BTBD9: variants seen among roughly 807,000 people sequenced by gnomAD.
The protein encoded by BTBD9 is BTB domain containing 9.
BTBD9 carries 49 observed loss-of-function variants against 64.3 expected under a neutral mutation model. The observed-to-expected ratio is 0.76, with a 90% CI of 0.61 to 0.97. The LOEUF (loss-of-function observed/expected upper bound fraction) is 0.97. Among genes scored for constraint, BTBD9 ranks in the 50% least tolerant of loss-of-function variants. BTBD9 has a pLI of 0.00. For missense variants in BTBD9, 598 were observed against 762.1 expected (o/e 0.78, Z 2.53); for synonymous variants, 260 against 274.7 (o/e 0.95, Z 0.53).
chr6:38,205,826 G>A (rs1161277058), intron 9 of BTBD9, among the ~76,000 whole-genome samples: 1 of 130,334 alleles, frequency 7.7e-6, no homozygotes, highest in Non-Finnish European at 1.6e-5. Flanking sequence ...GGAGGTTGCA[G>A]TGAGCCAACA....
chr6:38,505,338 A>G (rs1772420318), intron 6 of BTBD9, among the ~76,000 whole-genome samples: 2 of 152,112 alleles, frequency 1.3e-5, no homozygotes, highest in African/African-American at 4.8e-5. Flanking sequence ...AAAATCCCCT[A>G]TGGAGGCCAG....
At chr6:38,638,296 G>GA (rs964527578) in intron 1 of BTBD9, among the ~76,000 whole-genome samples, 27 of 151,648 alleles carry the variant, frequency 1.8e-4, no homozygotes, top group African/African-American at 4.1e-4. Flanking sequence ...CTCTCAAAGG[G>GA]AAAAAAAAGA....
intron 9 of BTBD9, among the ~76,000 whole-genome samples, chr6:38,254,964 T>C (rs1764528158): frequency 6.6e-6 from 1 of 152,204 alleles, no homozygotes; most frequent in Non-Finnish European, 1.5e-5. Flanking sequence ...TGTACAGGAA[T>C]GTTCATAGCA....
chr6:38,208,164 CCT>C (rs1200620360), intron 9 of BTBD9, among the ~76,000 whole-genome samples: 4 of 152,128 alleles, frequency 2.6e-5, no homozygotes, highest in Admixed American at 6.5e-5. Flanking sequence ...AAAGCTGTCC[CCT>C]GTCAACTGAG....
At chr6:38,442,486 A>C (rs1258188077) in intron 6 of BTBD9, among the ~76,000 whole-genome samples, 1 of 151,840 alleles carries the variant, frequency 6.6e-6, no homozygotes, top group Non-Finnish European at 1.5e-5. Context: ...AAGTCGTACT[A>C]TATATATATT....
rs113990996 is a variant in BTBD9, at chr6:38,467,519, T to A, written c.1154+110081A>T. On this transcript the variant is annotated intron_variant, in intron 6 of 10. Coordinates refer to ENST00000481247, the MANE Select transcript of BTBD9 (RefSeq NM_001099272.2). ...GAACTCAGGTCACAGAAAGTTAGAG[T>A]TATAAGAAACTGCTGAGCAATTTGT... is the stretch of plus-strand genomic sequence containing the variant. Among the ~76,000 whole-genome samples the A allele has an allele frequency of 7.4e-3, 1,119 of 152,238 alleles. 9 individuals carry two copies. Among genetic ancestry groups the A allele is most frequent in the African/African-American group, 0.025 (1,059 of 41,536 alleles).
chr6:38,358,460 A>C (rs2127596582), intron 6 of BTBD9, among the ~76,000 whole-genome samples: 2 of 152,328 alleles, frequency 1.3e-5, no homozygotes, highest in Middle Eastern at 6.8e-3. Context: ...GAGAAAGTAC[A>C]TACTGTACAT....
chr6:38,271,602 G>A (rs1004123977), intron 8 of BTBD9, among the ~76,000 whole-genome samples: 9 of 151,982 alleles, frequency 5.9e-5, no homozygotes, highest in African/African-American at 2.2e-4. Flanking sequence ...TCGAATAGTT[G>A]CACCACAGAG....
At chr6:38,453,163 C>T (rs1769636817) in intron 6 of BTBD9, among the ~76,000 whole-genome samples, 1 of 151,948 alleles carries the variant, frequency 6.6e-6, no homozygotes, top group Admixed American at 6.6e-5. Flanking sequence ...ACCAGCAGGG[C>T]TTCATGTCTC....
intron 9 of BTBD9, among the ~76,000 whole-genome samples, chr6:38,219,196 A>T: frequency 7.0e-6 from 1 of 142,736 alleles, no homozygotes. Flanking sequence ...GTGTAGTAGC[A>T]CAAGCTTGGC....
intron 9 of BTBD9, among the ~76,000 whole-genome samples, chr6:38,227,337 G>A (rs550938946): frequency 6.6e-6 from 1 of 152,234 alleles, no homozygotes; most frequent in African/African-American, 2.4e-5. Flanking sequence ...TTTAGTAGGC[G>A]GTTACATTCT....
intron 4 of BTBD9, among the ~76,000 whole-genome samples, chr6:38,590,769 G>A (rs1054013893): frequency 1.3e-5 from 2 of 152,134 alleles, no homozygotes; most frequent in Non-Finnish European, 2.9e-5. Context: ...GTGTGTCACA[G>A]TTAATTGGCA....
intron 9 of BTBD9, among the ~76,000 whole-genome samples, chr6:38,230,421 G>A (rs937497259): frequency 2.7e-5 from 4 of 146,204 alleles, no homozygotes; most frequent in Non-Finnish European, 5.9e-5. Flanking sequence ...CTTGAACCTG[G>A]GAGATGGAGG....
intron 6 of BTBD9, among the ~76,000 whole-genome samples, chr6:38,454,872 C>A (rs983736275): frequency 6.7e-6 from 1 of 149,242 alleles, no homozygotes; most frequent in Admixed American, 6.7e-5. Context: ...ACTCATTTAA[C>A]AAAAGCTAAT....
intron 6 of BTBD9, among the ~76,000 whole-genome samples, chr6:38,500,856 G>C (rs1454825663): frequency 6.6e-6 from 1 of 152,156 alleles, no homozygotes; most frequent in Non-Finnish European, 1.5e-5. Context: ...TTCCCAACTT[G>C]TGGGTCATAG....
intron 6 of BTBD9, among the ~76,000 whole-genome samples, chr6:38,568,236 A>C (rs924465610): frequency 2.6e-5 from 4 of 152,234 alleles, no homozygotes; most frequent in Non-Finnish European, 5.9e-5. Flanking sequence ...CACCATTGCC[A>C]AAGTAAGCAG....
intron 1 of BTBD9, among the ~76,000 whole-genome samples, chr6:38,625,686 T>C (rs556449090): frequency 1.3e-5 from 2 of 152,252 alleles, no homozygotes; most frequent in South Asian, 4.1e-4. Context: ...AATTCAAGCA[T>C]CATAACTATG....
intron 6 of BTBD9, among the ~76,000 whole-genome samples, chr6:38,359,263 A>G (rs893545394): frequency 6.6e-6 from 1 of 152,152 alleles, no homozygotes; most frequent in African/African-American, 2.4e-5. Flanking sequence ...TCCAGGGTCT[A>G]TGTGAAACTG....
chr6:38,477,285 C>T (rs1770927843), intron 6 of BTBD9, among the ~76,000 whole-genome samples: 1 of 152,232 alleles, frequency 6.6e-6, no homozygotes, highest in Non-Finnish European at 1.5e-5. Context: ...AGTTAAAAGA[C>T]ATTTTATTAG....
Sources: gnomAD v4.1 joint callset for allele counts (sites outside exome capture counted in the v4.1 genomes callset) on GRCh38, gnomAD v4.1.1 for gene constraint, MANE v1.5 for transcripts, NCBI Gene and HGNC (gene_info 2026-07-23, HGNC 2026-07-21) for gene names.